Variants in USP39 observed in about 807,000 individuals in gnomAD.
USP39 encodes ubiquitin carboxyl-terminal hydrolase 39.
In USP39, 38 loss-of-function variants were observed where a neutral mutation model predicts 66.4. The ratio of observed to expected loss-of-function variants is 0.57; its 90% confidence interval spans 0.44 to 0.75. The LOEUF (loss-of-function observed/expected upper bound fraction) is 0.75. USP39 is among the 30% of genes least tolerant of loss of function. USP39 has a pLI of 0.00. For missense variants in USP39, 608 were observed against 714.4 expected (o/e 0.85, Z 1.70); for synonymous variants, 303 against 274.6 (o/e 1.10, Z -1.02).
At chr2:85,637,742 C>G (rs918260152) in intron 8 of USP39, among the ~76,000 whole-genome samples, 3 of 152,196 alleles carry the variant, frequency 2.0e-5, no homozygotes, top group Non-Finnish European at 2.9e-5. Flanking sequence ...GTCGCCAAGG[C>G]TGGAGTTGCA....
At chr2:85,642,083 A>AAAATGAGAGGCTTGGAGTAGATGGGCC (rs1676277014) in intron 10 of USP39, among the ~76,000 whole-genome samples, 1 of 152,176 alleles carries the variant, frequency 6.6e-6, no homozygotes, top group South Asian at 2.1e-4. Flanking sequence ...TCTCATAGAT[A>AAAATGAGAGGCTTGGAGTAGATGGGCC]AAATGAGAGG....
chr2:85,641,612 A>C (rs554623652), intron 10 of USP39, among the ~76,000 whole-genome samples: 1 of 152,276 alleles, frequency 6.6e-6, no homozygotes, highest in South Asian at 2.1e-4. Context: ...ATACTTAAGA[A>C]GATGTTTGGC....
Position 85,648,797 on chromosome 2 carries a change from C to T in USP39, c.1687C>T (p.Gln563Ter). Residue 563 changes from glutamine (Q) to a stop codon, truncating the protein, a stop_gained, in exon 13 of 13, where the codon CAG becomes TAG. Transcript: ENST00000323701. LOFTEE classifies it high-confidence loss of function. ...GCGAGATAATGATGAAACCAACCAG[C>T]AGGGGGCTTGAAGGAGGCGTCTAGG... Reference protein sequence around the residue: ...KRRDNDETNQQGA With the variant: ...KRRDNDETNQ 1 of 1,614,150 alleles carries T rather than the reference C, an allele frequency of 6.2e-7. No individual in the cohort carries two copies. The highest frequency in any genetic ancestry group is 8.5e-7 in the Non-Finnish European group (1 of 1,180,012).
At chr2:85,638,054 T>C (rs1307583311) in intron 8 of USP39, among the ~76,000 whole-genome samples, 2 of 151,248 alleles carry the variant, frequency 1.3e-5, no homozygotes, top group Non-Finnish European at 2.9e-5. Context: ...GGAGTTTTGC[T>C]CTTGTTGACC....
At chr2:85,614,526 T>G (rs1035379697), upstream of USP39, among the ~76,000 whole-genome samples, 3 of 151,808 alleles carry the variant, frequency 2.0e-5, no homozygotes, top group African/African-American at 7.3e-5. Context: ...AAAAATAAAA[T>G]GTAAAGTAGT....
At chr2:85,639,603 C>A (rs775602054) in intron 9 of USP39, 2 of 438,374 alleles carry the variant, frequency 4.6e-6, no homozygotes, top group Non-Finnish European at 8.0e-6. Context: ...TACAGACATC[C>A]GCCACCATGA....
At chr2:85,637,725 T>TC (rs780168538) in intron 8 of USP39, among the ~76,000 whole-genome samples, 4 of 152,138 alleles carry the variant, frequency 2.6e-5, no homozygotes, top group Non-Finnish European at 5.9e-5. Flanking sequence ...TTTCTTAGTC[T>TC]CCCTCTGTCG....
At chr2:85,604,703 A>G (rs1317145806) in intron 1 of USP39, among the ~76,000 whole-genome samples, 1 of 152,248 alleles carries the variant, frequency 6.6e-6, no homozygotes, top group African/African-American at 2.4e-5. Context: ...GACAGGAACC[A>G]TCTTCCTGCC....
At chr2:85,615,701 G>A (rs1673871757), upstream of USP39, among the ~76,000 whole-genome samples, 1 of 152,162 alleles carries the variant, frequency 6.6e-6, no homozygotes, top group Non-Finnish European at 1.5e-5. Context: ...CGCGATCTCG[G>A]CTCACCGCAA....
chr2:85,628,856 TA>T (rs1223737895), intron 5 of USP39, among the ~76,000 whole-genome samples: 1 of 151,956 alleles, frequency 6.6e-6, no homozygotes, highest in African/African-American at 2.4e-5. Flanking sequence ...CCTCTGTGGT[TA>T]AAGTGCTCTC....
chr2:85,630,779 A>T lies in USP39; in HGVS notation c.782A>T (p.Asn261Ile). The T allele has an allele frequency of 3.1e-6, 5 of 1,614,174 alleles. No homozygotes were observed. The highest frequency in any genetic ancestry group is 4.2e-6 in the Non-Finnish European group (5 of 1,180,032). Residue 261 changes from asparagine (N) to isoleucine (I), a missense_variant, in exon 6 of 13, where the codon AAC becomes ATC. Around this residue, in one of 6 missense-constraint regions of USP39, gnomAD observed 33 missense variants for 21.7 expected, o/e 1.52. Coordinates refer to ENST00000323701, the MANE Select transcript of USP39 (RefSeq NM_006590.4). ...NYFLEEDNYK[N>I]IKRPPGDIMF... Reference sequence around the variant, plus strand: ...TTTCTGGAAGAAGACAATTATAAGAACATCAAACGTCCTCCAGGGGATATC... The same window carrying T: ...TTTCTGGAAGAAGACAATTATAAGATCATCAAACGTCCTCCAGGGGATATC...
chr2:85,615,167 C>A (rs930494270), upstream of USP39, among the ~76,000 whole-genome samples: 1 of 151,998 alleles, frequency 6.6e-6, no homozygotes, highest in African/African-American at 2.4e-5. Context: ...TTAACAGGCT[C>A]GTGCCACCAC....
intron 5 of USP39, among the ~76,000 whole-genome samples, chr2:85,629,291 C>G (rs1675127874): frequency 1.3e-5 from 2 of 151,828 alleles, no homozygotes; most frequent in African/African-American, 4.8e-5. Context: ...GGACTCCTGA[C>G]CTCAAGTGAT....
At chr2:85,615,870 TC>T (rs2104199008), upstream of USP39, among the ~76,000 whole-genome samples, 1 of 152,298 alleles carries the variant, frequency 6.6e-6, no homozygotes, top group African/African-American at 2.4e-5. Context: ...CCTCAGGTGA[TC>T]CACCCGCCTC....
chr2:85,638,296 A>G lies in USP39; in HGVS notation c.1095+860A>G, dbSNP rs181022380. On this transcript the variant is annotated intron_variant, in intron 8 of 12. Coordinates refer to ENST00000323701, the MANE Select transcript of USP39 (RefSeq NM_006590.4). The stretch of plus-strand genomic sequence containing the variant: ...CTTGGCCTCCCAAAGTGCTGGGATT[A>G]CAGACATGAGCCACCGTGCTCGGCC... Among the ~76,000 whole-genome samples, 6 of 152,128 alleles carry G rather than the reference A, an allele frequency of 3.9e-5. No homozygotes were observed. In the East Asian group the frequency reaches 9.7e-4, roughly 25 times the overall value.
At chr2:85,648,708 G>A in intron 12 of USP39, 53 bp from the exon 13 acceptor site, 1 of 1,592,754 alleles carries the variant, frequency 6.3e-7, no homozygotes, top group African/African-American at 1.3e-5. Flanking sequence ...TTTGATAAGT[G>A]TCTGTTGACT....
upstream of USP39, chr2:85,612,022 G>A: frequency 7.1e-7 from 1 of 1,417,498 alleles, no homozygotes; most frequent in Non-Finnish European, 9.3e-7. Context: ...CGCCTCGACG[G>A]CCCCAACAAC....
intron 6 of USP39, among the ~76,000 whole-genome samples, chr2:85,634,860 G>A (rs953946439): frequency 2.6e-5 from 4 of 152,170 alleles, no homozygotes; most frequent in African/African-American, 4.8e-5. Flanking sequence ...GGTGGATAGT[G>A]GGGCCTGTCA....
chr2:85,617,146 G>A (rs180673718), intron 1 of USP39, among the ~76,000 whole-genome samples: 209 of 144,810 alleles, frequency 1.4e-3, no homozygotes, highest in African/African-American at 5.1e-3. Flanking sequence ...AGAGAAGCAA[G>A]TCTCGCTATG....
Sources: gnomAD v4.1 joint callset for allele counts (sites outside exome capture counted in the v4.1 genomes callset) on GRCh38, gnomAD v4.1.1 for gene constraint, gnomAD v4.1.1 regional missense constraint, MANE v1.5 for transcripts, NCBI Gene and HGNC (gene_info 2026-07-23, HGNC 2026-07-21) for gene names.